The following DSCAM variants were observed in gnomAD, a reference collection of about 807,000 sequenced individuals.
DSCAM encodes the protein cell adhesion molecule DSCAM.
In DSCAM, 47 loss-of-function variants were observed where a neutral mutation model predicts 217.7. The ratio of observed to expected loss-of-function variants is 0.22; its 90% CI spans 0.17 to 0.28. The LOEUF is 0.28. Among genes scored for constraint, DSCAM ranks in the 10% least tolerant of loss-of-function variants. DSCAM has a pLI of 1.00. For synonymous variants in DSCAM, 1,056 were observed against 1,015.3 expected (o/e 1.04, Z -0.76); for missense variants, 2,080 against 2,618.3 (o/e 0.79, Z 4.49).
At chr21:40,742,741 T>C (rs895642986) in intron 1 of DSCAM, among the ~76,000 whole-genome samples, 3 of 152,166 alleles carry the variant, frequency 2.0e-5, no homozygotes, top group Non-Finnish European at 2.9e-5. Context: ...ATGGATTACG[T>C]CCTATCCTTA....
chr21:40,113,323 C>T (rs1403390771), intron 20 of DSCAM, among the ~76,000 whole-genome samples: 1 of 152,138 alleles, frequency 6.6e-6, no homozygotes, highest in Non-Finnish European at 1.5e-5. Flanking sequence ...ACATGATTAT[C>T]TCAATAGATG....
chr21:40,474,386 C>T (rs1233684554), intron 3 of DSCAM, among the ~76,000 whole-genome samples: 1 of 151,954 alleles, frequency 6.6e-6, no homozygotes, highest in East Asian at 1.9e-4. Flanking sequence ...GTCCAAGCAC[C>T]CCTTGGCATG....
intron 3 of DSCAM, among the ~76,000 whole-genome samples, chr21:40,653,867 C>T (rs1306769784): frequency 6.6e-6 from 1 of 152,094 alleles, no homozygotes; most frequent in African/African-American, 2.4e-5. Flanking sequence ...GAGGCCAAGG[C>T]AGGCAGATCA....
At chr21:40,021,322 G>C (rs1281020985) in intron 32 of DSCAM, among the ~76,000 whole-genome samples, 1 of 152,138 alleles carries the variant, frequency 6.6e-6, no homozygotes, top group Non-Finnish European at 1.5e-5. Flanking sequence ...TAACCATCTG[G>C]GACAGTGGTA....
At chr21:40,703,371 C>T (rs756341692) in intron 2 of DSCAM, among the ~76,000 whole-genome samples, 5 of 152,104 alleles carry the variant, frequency 3.3e-5, no homozygotes, top group Non-Finnish European at 7.4e-5. Context: ...AAATAAAAAT[C>T]AGCCTGATGT....
In DSCAM at chr21:40,012,045, G is replaced by GCAT. The variant is rs1262731719; in HGVS notation, c.*986_*988dup. 12 of 151,588 alleles carry GCAT rather than the reference G, an allele frequency of 7.9e-5. No individual in the cohort carries two copies. In the East Asian group the frequency reaches 1.9e-3, roughly 24 times the overall value. The allele number at this position is 151,588 out of a possible 1,614,324, so 9.4% of individuals were successfully genotyped here. ...GCAGCCATAGACAATAGCAAATAGT[G>GCAT]CATGTGGCCTTGTTTCAATAAAACT... On this transcript the variant is annotated 3_prime_UTR_variant, in exon 33 of 33. Transcript: ENST00000400454.
intron 3 of DSCAM, among the ~76,000 whole-genome samples, chr21:40,370,341 C>A (rs2074882659): frequency 6.6e-6 from 1 of 151,196 alleles, no homozygotes. Flanking sequence ...CCGTTAGACT[C>A]TTCTATGGGC....
At chr21:40,340,676 G>T (rs1253665492) in intron 6 of DSCAM, among the ~76,000 whole-genome samples, 2 of 152,126 alleles carry the variant, frequency 1.3e-5, no homozygotes, top group South Asian at 4.1e-4. Flanking sequence ...CATAATGAAA[G>T]ATAAGAATGA....
intron 27 of DSCAM, among the ~76,000 whole-genome samples, chr21:40,070,170 AAGAAAGAGAGAGGAAG>A (rs1267656099): frequency 1.3e-5 from 2 of 151,902 alleles, no homozygotes; most frequent in South Asian, 2.1e-4. Flanking sequence ...CCAAGACAGA[AAGAAAGAGAGAGGAAG>A]AGAAAGAGAG....
At chr21:40,744,386 A>C (rs541107382) in intron 1 of DSCAM, among the ~76,000 whole-genome samples, 30 of 152,234 alleles carry the variant, frequency 2.0e-4, no homozygotes, top group African/African-American at 6.3e-4. Context: ...GAAGGTCTGA[A>C]TCTCTGGCCA....
At chr21:40,270,762 C>CGCTTGGGGGCA (rs1308193761) in intron 11 of DSCAM, among the ~76,000 whole-genome samples, 1 of 151,508 alleles carries the variant, frequency 6.6e-6, no homozygotes, top group Non-Finnish European at 1.5e-5. Flanking sequence ...GCTTGGGGGC[C>CGCTTGGGGGCA]GCTTGGGGGC....
chr21:40,188,724 G>A (rs1343213153), intron 12 of DSCAM, among the ~76,000 whole-genome samples: 1 of 151,140 alleles, frequency 6.6e-6, no homozygotes, highest in Non-Finnish European at 1.5e-5. Context: ...GTTAAAACAT[G>A]CACACAGCAT....
rs73214183 is a variant in DSCAM at position 40,567,593 on chromosome 21, G to A, written c.508+125217C>T. ...CATCTGTCTCTATAATTATCCATACGCCCCAAATGCCCCTCCTCATCTCAT... is the reference window on the plus strand; with the variant it reads ...CATCTGTCTCTATAATTATCCATACACCCCAAATGCCCCTCCTCATCTCAT... On this transcript the variant is annotated intron_variant, in intron 3 of 32. Coordinates refer to ENST00000400454, the MANE Select transcript of DSCAM (RefSeq NM_001389.5). Among the ~76,000 whole-genome samples, 573 of 152,134 alleles carry A rather than the reference G, an allele frequency of 3.8e-3. 1 individual carries two copies. Among genetic ancestry groups the A allele is most frequent in the Middle Eastern group, 6.8e-3 (2 of 294 alleles).
chr21:40,678,566 T>C (rs9981949), intron 3 of DSCAM, among the ~76,000 whole-genome samples: 152,265 of 152,266 alleles, frequency 1, 76,132 homozygotes, highest in Middle Eastern at 1. Context: ...GCTGTCATTT[T>C]TGCCATCCCT....
intron 5 of DSCAM, among the ~76,000 whole-genome samples, chr21:40,348,965 C>T (rs1421532706): frequency 6.6e-6 from 1 of 151,268 alleles, no homozygotes; most frequent in Non-Finnish European, 1.5e-5. Flanking sequence ...CACAGTGAAA[C>T]CCCATCTCTA....
chr21:40,690,437 C>T (rs1196371941), intron 3 of DSCAM, among the ~76,000 whole-genome samples: 1 of 152,182 alleles, frequency 6.6e-6, no homozygotes, highest in Non-Finnish European at 1.5e-5. Flanking sequence ...TACAAACCAA[C>T]CAAAGCTTCT....
At chr21:40,196,062 G>C (rs1411457748) in intron 11 of DSCAM, among the ~76,000 whole-genome samples, 1 of 152,218 alleles carries the variant, frequency 6.6e-6, no homozygotes, top group East Asian at 1.9e-4. Flanking sequence ...CGAGCTGTAA[G>C]ATGGCAGCCA....
chr21:40,127,591 G>A (rs1046872810), intron 19 of DSCAM, among the ~76,000 whole-genome samples: 3 of 152,188 alleles, frequency 2.0e-5, no homozygotes, highest in African/African-American at 7.2e-5. Flanking sequence ...CTGAGCTGCA[G>A]ATGCTTCTGT....
chr21:40,445,713 C>T (rs1334173081), intron 3 of DSCAM, among the ~76,000 whole-genome samples: 1 of 152,208 alleles, frequency 6.6e-6, no homozygotes, highest in Non-Finnish European at 1.5e-5. Context: ...TGCCAGTTAA[C>T]TGAACCCTTG....
Sources: allele counts gnomAD v4.1 joint callset (sites outside exome capture counted in the v4.1 genomes callset), GRCh38; gene constraint gnomAD v4.1.1; transcripts MANE v1.5; gene names NCBI Gene and HGNC (gene_info 2026-07-23, HGNC 2026-07-21).